The following ZNF804B variants were observed in gnomAD, a reference collection of about 807,000 sequenced individuals.
The protein encoded by ZNF804B is zinc finger 804B.
ZNF804B carries 80 observed loss-of-function variants against 101.4 expected under a neutral mutation model. The ratio of observed to expected loss-of-function variants is 0.79; its 90% confidence interval spans 0.66 to 0.95. The LOEUF is 0.95. ZNF804B is among the 40% of genes least tolerant of loss of function. The pLI, the probability that ZNF804B is intolerant of heterozygous loss-of-function variation, is 0.00. For synonymous variants in ZNF804B, 622 were observed against 558.8 expected, an observed-to-expected ratio of 1.11 and a Z score of -1.59; for missense variants, 1,673 against 1,561.9, an observed-to-expected ratio of 1.07 and a Z score of -1.20.
chr7:89,005,911 A>G (rs2116181728), intron 1 of ZNF804B, among the ~76,000 whole-genome samples: 1 of 152,246 alleles, frequency 6.6e-6, no homozygotes, highest in African/African-American at 2.4e-5. Context: ...TCTACAAGAC[A>G]TAATTAGTCT....
At chr7:88,856,280 C>G (rs1025040802) in intron 1 of ZNF804B, among the ~76,000 whole-genome samples, 11 of 152,018 alleles carry the variant, frequency 7.2e-5, no homozygotes, top group African/African-American at 2.4e-4. Flanking sequence ...CTTTTATTTC[C>G]TTGAGCAGTG....
At chr7:89,262,376 G>A (rs1052480412) in intron 2 of ZNF804B, among the ~76,000 whole-genome samples, 1 of 152,130 alleles carries the variant, frequency 6.6e-6, no homozygotes, top group Non-Finnish European at 1.5e-5. Context: ...TTAAGAGCAT[G>A]CCCTCTTGAG....
chr7:89,278,153 C>A (rs536868361), intron 2 of ZNF804B, among the ~76,000 whole-genome samples: 1 of 152,104 alleles, frequency 6.6e-6, no homozygotes, highest in African/African-American at 2.4e-5. Context: ...GTCTTCTTTT[C>A]AGAAGTGTCT....
intron 1 of ZNF804B, among the ~76,000 whole-genome samples, chr7:88,780,292 ACATACT>A (rs974478357): frequency 1.3e-5 from 2 of 152,044 alleles, no homozygotes; most frequent in African/African-American, 2.4e-5. Flanking sequence ...AAAATTAGAG[ACATACT>A]CATATCTTCA....
At chr7:89,030,065 G>A (rs1788806545) in intron 1 of ZNF804B, among the ~76,000 whole-genome samples, 2 of 152,230 alleles carry the variant, frequency 1.3e-5, no homozygotes, top group South Asian at 4.1e-4. Context: ...AATTCTTTGG[G>A]TGAAGGAGGT....
intron 1 of ZNF804B, among the ~76,000 whole-genome samples, chr7:88,969,357 T>A (rs1207238590): frequency 2.4e-4 from 36 of 151,582 alleles, no homozygotes; most frequent in Non-Finnish European, 1.5e-5. Context: ...TATAAGAAAT[T>A]GATGAGTATG....
chr7:88,901,160 A>C (rs1011537008), intron 1 of ZNF804B, among the ~76,000 whole-genome samples: 4 of 151,866 alleles, frequency 2.6e-5, no homozygotes, highest in African/African-American at 7.2e-5. Context: ...TTTCCGTATA[A>C]TTCATTAAAA....
intron 2 of ZNF804B, among the ~76,000 whole-genome samples, chr7:89,227,576 A>T (rs1789114355): frequency 6.6e-6 from 1 of 152,222 alleles, no homozygotes; most frequent in Admixed American, 6.5e-5. Flanking sequence ...TAAAGGATTG[A>T]AGTGTACAGA....
intron 1 of ZNF804B, among the ~76,000 whole-genome samples, chr7:88,990,387 C>A (rs908183927): frequency 7.2e-5 from 11 of 151,994 alleles, no homozygotes; most frequent in African/African-American, 2.4e-4. Flanking sequence ...CACATACTTT[C>A]TCTCTCTCTG....
intron 1 of ZNF804B, among the ~76,000 whole-genome samples, chr7:89,011,938 T>C (rs569960439): frequency 6.6e-6 from 1 of 152,234 alleles, no homozygotes; most frequent in South Asian, 2.1e-4. Flanking sequence ...CCCTACATTT[T>C]CCCTCTGCAG....
intron 1 of ZNF804B, among the ~76,000 whole-genome samples, chr7:89,074,735 G>T (rs980383367): frequency 6.6e-6 from 1 of 152,146 alleles, no homozygotes; most frequent in Non-Finnish European, 1.5e-5. Flanking sequence ...AACAGGCAGA[G>T]GTTGGAACAG....
At chr7:89,037,036 A>G (rs1788939897) in intron 1 of ZNF804B, among the ~76,000 whole-genome samples, 1 of 152,146 alleles carries the variant, frequency 6.6e-6, no homozygotes, top group Admixed American at 6.6e-5. Context: ...TGAACTTTAA[A>G]TCTTTTTAAT....
Position 88,813,321 on chromosome 7 carries a change from G to A in ZNF804B, c.108+53237G>A, listed in dbSNP as rs180715152. 5.0e-3 allele frequency among the ~76,000 whole-genome samples: 753 copies of A among 151,528 alleles called. 7 individuals are homozygous for A. The highest frequency in any genetic ancestry group is 0.017 in the Middle Eastern group (5 of 292). On this transcript the variant is annotated intron_variant, in intron 1 of 3. Coordinates refer to ENST00000333190, the MANE Select transcript of ZNF804B (RefSeq NM_181646.5). The stretch of plus-strand genomic sequence containing the variant: ...GGGCGCATGTAGTCCCAGCTACTCC[G>A]GAGGCTGAGGCAGGAGAATGGCGAA...
intron 1 of ZNF804B, among the ~76,000 whole-genome samples, chr7:88,914,296 A>T (rs557560677): frequency 6.6e-6 from 1 of 152,224 alleles, no homozygotes; most frequent in South Asian, 2.1e-4. Context: ...ATTTTATAGG[A>T]CTTTTTTAAG....
chr7:89,107,801 C>T (rs1790158195), intron 1 of ZNF804B, among the ~76,000 whole-genome samples: 1 of 152,128 alleles, frequency 6.6e-6, no homozygotes, highest in African/African-American at 2.4e-5. Flanking sequence ...TAGAGAGCCA[C>T]AGACAATTTC....
At position 89,336,468 on chromosome 7, in the gene ZNF804B, G is replaced by A; in HGVS notation, c.3486G>A (p.Gln1162=). The A allele has an allele frequency of 6.2e-7, 1 of 1,614,034 alleles. No homozygotes were observed. Among genetic ancestry groups the A allele is most frequent in the Non-Finnish European group, 8.5e-7 (1 of 1,180,010 alleles). The change falls in exon 4 of 4, where the codon CAG becomes CAA. Residue 1162 remains glutamine, a synonymous_variant. Transcript: ENST00000333190. ...AAATAGATAAATATAAGATCCTACAGCTACAAGCCCAGCAGCATATGCAGA... is the reference window on the plus strand; with the variant it reads ...AAATAGATAAATATAAGATCCTACAACTACAAGCCCAGCAGCATATGCAGA... ...PDEIDKYKIL[Q]LQAQQHMQKQ... is the part of the protein sequence containing the mutation.
chr7:89,006,256 A>C (rs1788367868), intron 1 of ZNF804B, among the ~76,000 whole-genome samples: 1 of 152,100 alleles, frequency 6.6e-6, no homozygotes, highest in South Asian at 2.1e-4. Context: ...GTCTTCCTCC[A>C]TTAAAAAAAT....
chr7:89,098,993 AGT>A (rs1002940201), intron 1 of ZNF804B, among the ~76,000 whole-genome samples: 2 of 149,410 alleles, frequency 1.3e-5, no homozygotes, highest in Non-Finnish European at 3.0e-5. Context: ...ATAATTCAAC[AGT>A]GCAGTACAAT....
At chr7:88,895,380 G>A (rs909999660) in intron 1 of ZNF804B, among the ~76,000 whole-genome samples, 11 of 152,202 alleles carry the variant, frequency 7.2e-5, no homozygotes, top group African/African-American at 2.7e-4. Context: ...ATTAGAGTTG[G>A]ATGGATCAAT....
Sources: gnomAD v4.1 joint callset for allele counts (sites outside exome capture counted in the v4.1 genomes callset) on GRCh38, gnomAD v4.1.1 for gene constraint, MANE v1.5 for transcripts, NCBI Gene and HGNC (gene_info 2026-07-23, HGNC 2026-07-21) for gene names.